TMSB15B: variants seen among roughly 807,000 people sequenced by gnomAD.
TMSB15B encodes the protein thymosin beta-15B.
intron 1 of TMSB15B, among the ~76,000 whole-genome samples, chrX:103,926,199 G>A (rs1341213327): frequency 2.7e-5 from 3 of 110,199 alleles, no homozygotes; most frequent in Non-Finnish European, 5.7e-5. Context: ...TGCGGAGGAG[G>A]GGGAGGTGGT....
intron 1 of TMSB15B, among the ~76,000 whole-genome samples, chrX:103,938,301 T>G (rs1299478944): frequency 2.1e-4 from 24 of 111,893 alleles, no homozygotes; most frequent in African/African-American, 7.5e-4. Flanking sequence ...GGAGTCTAAG[T>G]GTCTTTGTAG....
chrX:103,951,963 G>A (rs1372933269), intron 1 of TMSB15B, among the ~76,000 whole-genome samples: 3 of 111,495 alleles, frequency 2.7e-5, no homozygotes, highest in Non-Finnish European at 5.7e-5. Flanking sequence ...AAGAGCTAAG[G>A]TATGGCTACA....
At chrX:103,952,173 TGG>T (rs1436272563) in intron 1 of TMSB15B, among the ~76,000 whole-genome samples, 4 of 111,685 alleles carry the variant, frequency 3.6e-5, no homozygotes, top group African/African-American at 1.3e-4. Flanking sequence ...GGTAGGACTA[TGG>T]TGAGTGCCAC....
chrX:103,952,730 T>G (rs1327595227), intron 1 of TMSB15B, among the ~76,000 whole-genome samples: 1 of 111,572 alleles, frequency 9.0e-6, no homozygotes, highest in Admixed American at 9.5e-5. Context: ...TTCTAATAGA[T>G]TCAAAGGAGA....
At chrX:103,944,457 C>T in intron 1 of TMSB15B, among the ~76,000 whole-genome samples, 1 of 112,346 alleles carries the variant, frequency 8.9e-6, no homozygotes, top group Non-Finnish European at 1.9e-5. Context: ...TAGTGCAAAA[C>T]AACAAGGTGG....
rs2074977814 is a variant in TMSB15B, at chrX:103,929,160, CT to C, written c.-721+9869del. On this transcript the variant is annotated intron_variant, in intron 1 of 3. Coordinates refer to the TMSB15B transcript ENST00000419165. The stretch of plus-strand genomic sequence containing the variant: ...CTCATTGCATGGGAGAAGTTCCCAA[CT>C]ACCAACCTGTTGAGCAAGGACAAAG... The C allele has an allele frequency of 3.3e-5, 14 of 424,904 alleles. No homozygotes were observed. The South Asian group carries it at 9.7e-4, about 30-fold the overall frequency. The allele number at this position is 424,904 out of a possible 1,213,427, so 35.0% of individuals were successfully genotyped here.
At chrX:103,946,805 T>C (rs2075026818) in intron 1 of TMSB15B, among the ~76,000 whole-genome samples, 1 of 111,393 alleles carries the variant, frequency 9.0e-6, no homozygotes, top group South Asian at 3.8e-4. Context: ...TAATAAAAAA[T>C]CATGTCCTCA....
At chrX:103,940,618 G>A (rs1329237927) in intron 1 of TMSB15B, among the ~76,000 whole-genome samples, 1 of 111,345 alleles carries the variant, frequency 9.0e-6, no homozygotes, top group African/African-American at 3.3e-5. Context: ...GATCCGCTGA[G>A]CAAGACCACT....
chrX:103,930,636 C>G (rs782536118), intron 1 of TMSB15B, among the ~76,000 whole-genome samples: 1 of 108,618 alleles, frequency 9.2e-6, no homozygotes, highest in South Asian at 4.1e-4. Flanking sequence ...GTTATTGACT[C>G]ACTGTCAGTA....
Position 103,955,817 on chromosome X carries a change from A to C in TMSB15B, c.-720-6204A>C, listed in dbSNP as rs185702133. On this transcript the variant is annotated intron_variant, in intron 1 of 3. Transcript: ENST00000419165. ...CCACCCCAGTAAGATACTCCACGAGAAGTTCATCCCTAACACACATAATCT... is the reference window on the plus strand; with the variant it reads ...CCACCCCAGTAAGATACTCCACGAGCAGTTCATCCCTAACACACATAATCT... Among the ~76,000 whole-genome samples, 113 of 111,572 alleles carry C rather than the reference A, an allele frequency of 1.0e-3. 1 individual carries two copies. The Middle Eastern group carries it at 0.014, about 14-fold the overall frequency.
At chrX:103,933,635 C>T (rs2074990076) in intron 1 of TMSB15B, among the ~76,000 whole-genome samples, 1 of 111,601 alleles carries the variant, frequency 9.0e-6, no homozygotes, top group Non-Finnish European at 1.9e-5. Flanking sequence ...GATGTTTGAA[C>T]ATTATATACT....
At chrX:103,944,950 G>C (rs2075021583) in intron 1 of TMSB15B, among the ~76,000 whole-genome samples, 1 of 111,350 alleles carries the variant, frequency 9.0e-6, no homozygotes, top group African/African-American at 3.3e-5. Context: ...GCTGGCTTTT[G>C]TATTTTTAGT....
rs1482360236 is a variant in TMSB15B at position 103,953,968 on chromosome X, G to A, written c.-720-8053G>A. Among the ~76,000 whole-genome samples the A allele has an allele frequency of 3.6e-5, 4 of 111,593 alleles. No homozygotes were observed. In the Admixed American group the frequency reaches 3.8e-4, roughly 11 times the overall value. On this transcript the variant is annotated intron_variant, in intron 1 of 3. Coordinates refer to the TMSB15B transcript ENST00000419165. ...ATGCCAGTTTGTCTCTGAGGGGTCC[G>A]ACACACCCTCCATTGCTTGTCACCA...
At chrX:103,947,947 C>A (rs2075029560) in intron 1 of TMSB15B, among the ~76,000 whole-genome samples, 1 of 111,403 alleles carries the variant, frequency 9.0e-6, no homozygotes, top group Non-Finnish European at 1.9e-5. Flanking sequence ...GAACAGAAAA[C>A]CAAACACCGC....
chrX:103,944,274 C>A (rs1556326547), intron 1 of TMSB15B, among the ~76,000 whole-genome samples: 1 of 111,891 alleles, frequency 8.9e-6, no homozygotes, highest in African/African-American at 3.2e-5. Flanking sequence ...GTACTCTGTA[C>A]CAGGTACTAT....
intron 1 of TMSB15B, among the ~76,000 whole-genome samples, chrX:103,926,098 A>G (rs2074967164): frequency 9.0e-6 from 1 of 110,683 alleles, no homozygotes. Flanking sequence ...ACTCCTGCTC[A>G]GTTCTCAGCT....
chrX:103,950,344 G>A (rs1458045710), intron 1 of TMSB15B, among the ~76,000 whole-genome samples: 1 of 110,983 alleles, frequency 9.0e-6, no homozygotes, highest in Non-Finnish European at 1.9e-5. Flanking sequence ...ACAGCAGGGA[G>A]GCTACAGCTG....
chrX:103,920,645 G>A (rs782513265), intron 1 of TMSB15B, among the ~76,000 whole-genome samples: 4 of 112,691 alleles, frequency 3.5e-5, no homozygotes, highest in Admixed American at 9.3e-5. Flanking sequence ...CTGTCATAAT[G>A]TCTTCCTTCT....
chrX:103,926,978 G>C (rs1454398411), intron 1 of TMSB15B, among the ~76,000 whole-genome samples: 1 of 110,320 alleles, frequency 9.1e-6, no homozygotes, highest in African/African-American at 3.3e-5. Flanking sequence ...GTCATTCCAG[G>C]GACCCCCTCT....
Sources: gnomAD v4.1 joint callset for allele counts (sites outside exome capture counted in the v4.1 genomes callset) on GRCh38, gnomAD v4.1.1 for gene constraint, MANE v1.5 for transcripts, NCBI Gene and HGNC (gene_info 2026-07-23, HGNC 2026-07-21) for gene names.